Variants in STEAP1B observed in about 807,000 individuals in gnomAD.
The protein encoded by STEAP1B is STEAP family protein MGC87042.
A neutral mutation model predicts 27.9 loss-of-function variants in STEAP1B; 13 were observed. The ratio of observed to expected loss-of-function variants is 0.47; its 90% CI spans 0.30 to 0.74. The LOEUF (loss-of-function observed/expected upper bound fraction) is 0.74. STEAP1B is among the 30% of genes least tolerant of loss of function. The pLI is 0.06. For missense variants in STEAP1B, 250 were observed against 298.7 expected, an observed-to-expected ratio of 0.84 and a Z score of 1.20; for synonymous variants, 86 against 107.1, an observed-to-expected ratio of 0.80 and a Z score of 1.22.
chr7:22,438,965 T>C (rs1000375908), intron 4 of STEAP1B, among the ~76,000 whole-genome samples: 1 of 152,178 alleles, frequency 6.6e-6, no homozygotes, highest in African/African-American at 2.4e-5. Context: ...AAAGTGCATG[T>C]TAAATGAAAA....
chr7:22,460,576 T>C (rs1638953539), intron 4 of STEAP1B, among the ~76,000 whole-genome samples: 1 of 151,626 alleles, frequency 6.6e-6, no homozygotes, highest in Admixed American at 6.6e-5. Flanking sequence ...GCTGTGGGAG[T>C]CCAGGGCCAG....
intron 4 of STEAP1B, among the ~76,000 whole-genome samples, chr7:22,448,758 T>C (rs548420348): frequency 3.4e-4 from 52 of 152,244 alleles, no homozygotes; most frequent in Non-Finnish European, 6.6e-4. Context: ...GCCAATCTTA[T>C]TAGGAAAGAG....
intron 1 of STEAP1B, among the ~76,000 whole-genome samples, chr7:22,499,506 T>C (rs1339767038): frequency 6.6e-6 from 1 of 152,198 alleles, no homozygotes; most frequent in East Asian, 1.9e-4. Context: ...TTTACAAAAG[T>C]AACAAAGTAA....
chr7:22,445,320 C>T (rs894094226), intron 4 of STEAP1B, among the ~76,000 whole-genome samples: 6 of 152,224 alleles, frequency 3.9e-5, no homozygotes, highest in African/African-American at 1.2e-4. Flanking sequence ...TCCTGTAAAC[C>T]GCATTGTATT....
At chr7:22,489,606 G>A (rs1786282272) in intron 4 of STEAP1B, among the ~76,000 whole-genome samples, 1 of 152,192 alleles carries the variant, frequency 6.6e-6, no homozygotes, top group South Asian at 2.1e-4. Flanking sequence ...AGGCACACAG[G>A]TGAACAGCAT....
intron 4 of STEAP1B, among the ~76,000 whole-genome samples, chr7:22,482,034 C>T (rs571961073): frequency 1.3e-5 from 2 of 152,340 alleles, no homozygotes; most frequent in Admixed American, 1.3e-4. Context: ...TGGAAACTGA[C>T]TGCTCCCCAC....
chr7:22,492,245 G>A (rs1457538720), intron 4 of STEAP1B: 1 of 157,282 alleles, frequency 6.4e-6, no homozygotes, highest in African/African-American at 2.6e-5. Flanking sequence ...CCTGAACCCA[G>A]GAGGCGCAGG....
intron 4 of STEAP1B, among the ~76,000 whole-genome samples, chr7:22,431,851 A>G (rs941936738): frequency 2.0e-5 from 3 of 152,300 alleles, no homozygotes; most frequent in African/African-American, 7.2e-5. Context: ...AGCTCTTGCC[A>G]GGCTCTGGTA....
intron 4 of STEAP1B, among the ~76,000 whole-genome samples, chr7:22,449,089 T>A (rs1583636563): frequency 7.0e-6 from 1 of 143,494 alleles, no homozygotes; most frequent in Non-Finnish European, 1.5e-5. Flanking sequence ...GATAATCACA[T>A]AATGGAGAAT....
At position 22,494,772 on chromosome 7, in the gene STEAP1B, C is replaced by A. The variant is rs1225688733; in HGVS notation, c.84G>T (p.Leu28Phe). 1.3e-6 allele frequency: 2 copies of A among 1,499,226 alleles called. No individual in the cohort carries two copies. The highest frequency in any genetic ancestry group is 2.0e-5 in the Admixed American group (1 of 49,872). 92.9% of individuals were successfully genotyped at this position (1,499,226 alleles called of 1,614,324 possible). ...ATTATTGTCATTATTAATATTTTAC[C>A]AAATAATCGTTGTCTTCTAAATTTC... The part of the protein sequence containing the change: ...PRRNLEDNDY[L>F]HEDTGETSML... The change falls in exon 2 of 5, where the codon TTG (leucine) becomes TTT (phenylalanine). Residue 28 changes from leucine to phenylalanine, a missense_variant and splice_region_variant. Coordinates refer to ENST00000678116, the MANE Select transcript of STEAP1B (RefSeq NM_001382447.1).
At chr7:22,477,091 A>AT (rs1243485668) in intron 4 of STEAP1B, among the ~76,000 whole-genome samples, 1 of 152,172 alleles carries the variant, frequency 6.6e-6, no homozygotes, top group Admixed American at 6.5e-5. Context: ...CACCTTCCCC[A>AT]TACAAGGGAA....
chr7:22,421,650 C>T (rs990388924), intron 4 of STEAP1B, among the ~76,000 whole-genome samples: 8 of 152,226 alleles, frequency 5.3e-5, no homozygotes, highest in Non-Finnish European at 8.8e-5. Context: ...GTCAATCCAA[C>T]ACCCCTTTTG....
chr7:22,474,896 T>G (rs1377577460), intron 4 of STEAP1B, among the ~76,000 whole-genome samples: 1 of 152,216 alleles, frequency 6.6e-6, no homozygotes, highest in Non-Finnish European at 1.5e-5. Context: ...TGTGAACATT[T>G]GCCCACAGAA....
chr7:22,459,553 C>T (rs28510475), intron 4 of STEAP1B, among the ~76,000 whole-genome samples: 23,351 of 152,146 alleles, frequency 0.15, 1,851 homozygotes, highest in Non-Finnish European at 0.17. Flanking sequence ...ACAAAAACAA[C>T]AAAATACGGC....
At chr7:22,434,423 A>G (rs1785228936) in intron 4 of STEAP1B, among the ~76,000 whole-genome samples, 1 of 152,202 alleles carries the variant, frequency 6.6e-6, no homozygotes, top group African/African-American at 2.4e-5. Flanking sequence ...GGTCTTCACC[A>G]TAGATTTCTC....
chr7:22,458,836 T>C (rs1785631882), intron 4 of STEAP1B, among the ~76,000 whole-genome samples: 1 of 151,716 alleles, frequency 6.6e-6, no homozygotes, highest in Admixed American at 6.6e-5. Flanking sequence ...CTGGAGGGGA[T>C]GGGTGGACAA....
intron 4 of STEAP1B, among the ~76,000 whole-genome samples, chr7:22,466,239 G>C (rs1385663102): frequency 6.6e-6 from 1 of 152,002 alleles, no homozygotes; most frequent in African/African-American, 2.4e-5. Flanking sequence ...CCAACTTTTA[G>C]GTTCAGGGGA....
intron 4 of STEAP1B, among the ~76,000 whole-genome samples, chr7:22,429,382 C>G (rs1785149730): frequency 1.3e-5 from 2 of 151,766 alleles, no homozygotes; most frequent in Non-Finnish European, 2.9e-5. Context: ...CATGAATGAA[C>G]CTCACATCAT....
At chr7:22,433,814 C>T (rs1408413938) in intron 4 of STEAP1B, among the ~76,000 whole-genome samples, 2 of 152,188 alleles carry the variant, frequency 1.3e-5, no homozygotes, top group Non-Finnish European at 2.9e-5. Context: ...AATTAAAGAA[C>T]AAAACTGCTG....
Sources: gnomAD v4.1 joint callset for allele counts (sites outside exome capture counted in the v4.1 genomes callset) on GRCh38, gnomAD v4.1.1 for gene constraint, MANE v1.5 for transcripts, NCBI Gene and HGNC (gene_info 2026-07-23, HGNC 2026-07-21) for gene names.